SDK1: variants seen among roughly 807,000 people sequenced by gnomAD.
The protein encoded by SDK1 is protein sidekick-1.
SDK1 carries 157 observed loss-of-function variants against 245.5 expected under a neutral mutation model. The ratio of observed to expected loss-of-function variants is 0.64; its 90% CI spans 0.56 to 0.73. The LOEUF (loss-of-function observed/expected upper bound fraction) is 0.73, where lower values mean the gene tolerates loss of function less well. Among genes scored for constraint, SDK1 ranks in the 30% least tolerant of loss-of-function variants. The pLI, the probability that SDK1 is intolerant of heterozygous loss-of-function variation, is 0.00. For missense variants in SDK1, 3,583 were observed against 3,002.3 expected (o/e 1.19, Z -4.52); for synonymous variants, 1,647 against 1,278.5 (o/e 1.29, Z -6.15).
At position 3,818,066 on chromosome 7, in the gene SDK1, T is replaced by C. The variant is rs546483927; in HGVS notation, c.714-3384T>C. Among the ~76,000 whole-genome samples the C allele has an allele frequency of 5.7e-4, 87 of 152,358 alleles. 1 individual carries two copies. The highest frequency in any genetic ancestry group is 1.9e-3 in the African/African-American group (80 of 41,594). On this transcript the variant is annotated intron_variant, in intron 4 of 44. Coordinates refer to ENST00000404826, the MANE Select transcript of SDK1 (RefSeq NM_152744.4). ...GAGCGGCAGCTCATCTCATCCATAT[T>C]GTACTCAGTTATTTTTGTTCCTCTT...
chr7:3,687,708 G>A (rs1784330271), intron 4 of SDK1, among the ~76,000 whole-genome samples: 1 of 152,156 alleles, frequency 6.6e-6, no homozygotes, highest in Non-Finnish European at 1.5e-5. Context: ...AAGTCTACAC[G>A]GGTCAGCAAA....
At chr7:4,004,297 TATA>T (rs1228539037) in intron 14 of SDK1, among the ~76,000 whole-genome samples, 1 of 152,202 alleles carries the variant, frequency 6.6e-6, no homozygotes, top group Non-Finnish European at 1.5e-5. Flanking sequence ...AGCTAATACT[TATA>T]TTTCAGGAGA....
Position 3,642,084 on chromosome 7 carries a change from A to G in SDK1, c.692A>G (p.Lys231Arg), listed in dbSNP as rs1782670069. 6.2e-7 allele frequency: 1 copy of G among 1,614,050 alleles called. No individual in the cohort carries two copies. The highest frequency in any genetic ancestry group is 1.7e-5 in the Admixed American group (1 of 59,992). ...PQVTWFREGH[K>R]IIPSNRIAIT... ...GTGACTTGGTTTAGAGAAGGGCACA[A>G]GATTATTCCAAGCAACAGAATGTAA... is the stretch of plus-strand genomic sequence containing the variant. The change falls in exon 4 of 45, where the codon AAG becomes AGG. Residue 231 changes from lysine to arginine, a missense_variant. Lys to Arg is a conservative substitution (Grantham distance 26, BLOSUM62 2). Coordinates refer to ENST00000404826, the MANE Select transcript of SDK1 (RefSeq NM_152744.4).
At chr7:4,250,887 T>G (rs979215950) in intron 44 of SDK1, among the ~76,000 whole-genome samples, 9 of 152,174 alleles carry the variant, frequency 5.9e-5, no homozygotes, top group African/African-American at 2.2e-4. Context: ...CCCCACAATT[T>G]TGGAACTTTT....
chr7:4,118,468 A>G (rs1783855884), intron 25 of SDK1, among the ~76,000 whole-genome samples: 1 of 152,256 alleles, frequency 6.6e-6, no homozygotes, highest in African/African-American at 2.4e-5. Flanking sequence ...GAATGCTTGT[A>G]CGTTGCTGGT....
At chr7:3,938,617 G>A (rs1021464407) in intron 5 of SDK1, among the ~76,000 whole-genome samples, 4 of 143,934 alleles carry the variant, frequency 2.8e-5, no homozygotes, top group African/African-American at 1.2e-4. Context: ...CTGCACTCCA[G>A]CCTGGGCGAC....
chr7:3,914,618 C>T (rs776032058), intron 5 of SDK1, among the ~76,000 whole-genome samples: 3 of 152,282 alleles, frequency 2.0e-5, no homozygotes, highest in Non-Finnish European at 4.4e-5. Flanking sequence ...TGCATGTGCT[C>T]AGTCATCTTT....
chr7:3,974,654 C>T (rs1782763487), intron 13 of SDK1, 109 bp downstream of exon 13: 3 of 1,061,680 alleles, frequency 2.8e-6, no homozygotes, highest in African/African-American at 1.6e-5. Flanking sequence ...TGTCCCAAGT[C>T]AGCGGTCAGA....
chr7:3,307,429 C>G (rs772924248), intron 1 of SDK1, among the ~76,000 whole-genome samples: 1 of 152,164 alleles, frequency 6.6e-6, no homozygotes. Flanking sequence ...GTTATTGATC[C>G]TATACCTGAG....
In SDK1 at chr7:3,676,356, T is replaced by C. The variant is rs902235550; in HGVS notation, c.713+34251T>C. Among the ~76,000 whole-genome samples, 104 of 150,180 alleles carry C rather than the reference T, an allele frequency of 6.9e-4. 1 individual carries two copies. The highest frequency in any genetic ancestry group is 2.5e-3 in the African/African-American group (101 of 40,796). ...TTTTTTTTTTTTTGAGACGGAGTCT[T>C]GCTCTGTCGCCCAGGCTGGAGTGCA... is the stretch of plus-strand genomic sequence containing the variant. On this transcript the variant is annotated intron_variant, in intron 4 of 44. Transcript: ENST00000404826.
chr7:3,368,435 A>G (rs957581038), intron 1 of SDK1, among the ~76,000 whole-genome samples: 3 of 152,184 alleles, frequency 2.0e-5, no homozygotes, highest in African/African-American at 2.4e-5. Context: ...ATCTCTTACT[A>G]TGGTATTTCC....
chr7:4,212,952 C>G lies in SDK1; in HGVS notation c.5539+2790C>G, dbSNP rs190590510. 1.7e-3 allele frequency among the ~76,000 whole-genome samples: 265 copies of G among 152,264 alleles called. 3 individuals carry two copies. The highest frequency in any genetic ancestry group is 5.7e-3 in the African/African-American group (238 of 41,544). ...CGTGGAAACTCCATGGTGTGTGCCT[C>G]TGGGCTTCTCTCTTGGGCTGCTGCT... On this transcript the variant is annotated intron_variant, in intron 38 of 44. Coordinates refer to ENST00000404826, the MANE Select transcript of SDK1 (RefSeq NM_152744.4).
At chr7:3,768,643 A>G (rs1390783416) in intron 4 of SDK1, among the ~76,000 whole-genome samples, 2 of 152,202 alleles carry the variant, frequency 1.3e-5, no homozygotes, top group South Asian at 2.1e-4. Flanking sequence ...CTAGTCTCAC[A>G]TATTGTCAGA....
chr7:3,666,942 G>A (rs1783554334), intron 4 of SDK1, among the ~76,000 whole-genome samples: 1 of 152,096 alleles, frequency 6.6e-6, no homozygotes, highest in Admixed American at 6.5e-5. Context: ...TCTAAACTCA[G>A]AATTGAAGTG....
chr7:3,518,172 T>A (rs913675430), intron 1 of SDK1, among the ~76,000 whole-genome samples: 1 of 152,180 alleles, frequency 6.6e-6, no homozygotes. Flanking sequence ...GAAAATACAT[T>A]GTTTAGAGGT....
At chr7:4,194,537 T>C (rs1393900591) in intron 35 of SDK1, among the ~76,000 whole-genome samples, 2 of 151,952 alleles carry the variant, frequency 1.3e-5, no homozygotes, top group African/African-American at 2.4e-5. Context: ...GGTCCCACAA[T>C]AGGCTATCTG....
intron 1 of SDK1, among the ~76,000 whole-genome samples, chr7:3,566,333 T>G (rs1034032680): frequency 1.3e-5 from 2 of 151,284 alleles, no homozygotes; most frequent in Non-Finnish European, 2.9e-5. Context: ...CACGCCATTC[T>G]CCTGCCTCAG....
chr7:3,966,925 G>T (rs951358296), intron 9 of SDK1, among the ~76,000 whole-genome samples: 1 of 152,066 alleles, frequency 6.6e-6, no homozygotes, highest in Non-Finnish European at 1.5e-5. Flanking sequence ...AACTCAAGCA[G>T]TCCTCTTGCC....
chr7:3,450,158 A>G (rs1780467730), intron 1 of SDK1, among the ~76,000 whole-genome samples: 1 of 152,250 alleles, frequency 6.6e-6, no homozygotes, highest in Non-Finnish European at 1.5e-5. Context: ...TATTCTGTAT[A>G]ATTGGATCAT....
Sources: gnomAD v4.1 joint callset for allele counts (sites outside exome capture counted in the v4.1 genomes callset) on GRCh38, gnomAD v4.1.1 for gene constraint, MANE v1.5 for transcripts, NCBI Gene and HGNC (gene_info 2026-07-23, HGNC 2026-07-21) for gene names.